EXOC2: variants seen among roughly 807,000 people sequenced by gnomAD.
EXOC2 encodes SEC5-like 1.
Under a neutral mutation model 131.8 loss-of-function variants are expected in EXOC2, and 70 were observed. That is an observed-to-expected ratio of 0.53 (90% CI 0.44 to 0.65). EXOC2 has a LOEUF of 0.65. Among genes scored for constraint, EXOC2 ranks in the 30% least tolerant of loss-of-function variants. The pLI is 0.00. For missense variants in EXOC2, 923 were observed against 1,108.6 expected (o/e 0.83, Z 2.38); for synonymous variants, 411 against 398.4 (o/e 1.03, Z -0.38).
intron 4 of EXOC2, among the ~76,000 whole-genome samples, chr6:627,262 A>G (rs72835973): frequency 0.17 from 21,884 of 130,588 alleles, 1,946 homozygotes; most frequent in East Asian, 0.21. Context: ...AAAAAAAAAA[A>G]AAGAAGCCTG....
intron 4 of EXOC2, among the ~76,000 whole-genome samples, chr6:627,466 G>A (rs766382169): frequency 2.0e-5 from 3 of 152,076 alleles, no homozygotes; most frequent in African/African-American, 4.8e-5. Flanking sequence ...GGCCCTCCCC[G>A]TGTTCCCTGA....
chr6:508,507 C>T (rs1764686914), intron 23 of EXOC2, among the ~76,000 whole-genome samples: 1 of 152,318 alleles, frequency 6.6e-6, no homozygotes, highest in South Asian at 2.1e-4. Flanking sequence ...CATAGTTTCT[C>T]CTGTTACAGA....
At chr6:545,226 C>T (rs1484537063) in intron 22 of EXOC2, among the ~76,000 whole-genome samples, 2 of 150,558 alleles carry the variant, frequency 1.3e-5, no homozygotes, top group South Asian at 2.1e-4. Flanking sequence ...CTACAGGCTT[C>T]GTCAGGTGAA....
At chr6:607,151 C>T (rs913536054) in intron 7 of EXOC2, among the ~76,000 whole-genome samples, 10 of 152,164 alleles carry the variant, frequency 6.6e-5, no homozygotes, top group African/African-American at 2.2e-4. Context: ...CTGTGGGAAC[C>T]GCAGTTCTCC....
chr6:543,347 G>A (rs552872301), intron 22 of EXOC2, among the ~76,000 whole-genome samples: 96 of 152,300 alleles, frequency 6.3e-4, no homozygotes, highest in Admixed American at 1.0e-3. Context: ...TATGCTAAAT[G>A]AAATAAACCA....
chr6:502,082 T>A (rs1764245547), intron 23 of EXOC2, among the ~76,000 whole-genome samples: 1 of 152,082 alleles, frequency 6.6e-6, no homozygotes, highest in Non-Finnish European at 1.5e-5. Flanking sequence ...GGGGCGGAGA[T>A]CCACATGCTC....
chr6:564,861 C>T lies in EXOC2; in HGVS notation c.1509+3G>A, dbSNP rs772980054. ...GGTCTACATACTTATCACCCTTACT[C>T]ACCTTAAAATCATTTTGTCTTTGCC... is the stretch of plus-strand genomic sequence containing the variant. On this transcript the variant is annotated splice_donor_region_variant and intron_variant, in intron 14 of 27. Coordinates refer to ENST00000230449, the MANE Select transcript of EXOC2 (RefSeq NM_018303.6). The T allele has an allele frequency of 5.6e-6, 9 of 1,612,802 alleles. No homozygotes were observed. The highest frequency in any genetic ancestry group is 1.7e-5 in the Admixed American group (1 of 59,766).
chr6:659,659 T>G (rs1763322102), intron 1 of EXOC2, among the ~76,000 whole-genome samples: 1 of 152,122 alleles, frequency 6.6e-6, no homozygotes, highest in Non-Finnish European at 1.5e-5. Context: ...TGAGTCAATC[T>G]GGAGGGGTGA....
intron 1 of EXOC2, among the ~76,000 whole-genome samples, chr6:663,760 G>C (rs1763517496): frequency 6.6e-6 from 1 of 152,060 alleles, no homozygotes; most frequent in Non-Finnish European, 1.5e-5. Flanking sequence ...AAAACTCTCA[G>C]CAAAACTGAC....
At position 556,621 on chromosome 6, in the gene EXOC2, T is replaced by C. The variant is rs1757433454; in HGVS notation, c.1852-57A>G. ...AAAATGAGCACTGGCTGTGAAGACA[T>C]GTTTAACACAAGCGAATATGGCCCC... On this transcript the variant is annotated intron_variant, in intron 17 of 27. Transcript: ENST00000230449. 3.2e-6 allele frequency: 5 copies of C among 1,584,178 alleles called. No homozygotes were observed. The African/African-American group carries it at 4.0e-5, about 13-fold the overall frequency.
intron 11 of EXOC2, among the ~76,000 whole-genome samples, chr6:583,084 T>G (rs150101425): frequency 2.0e-4 from 31 of 152,222 alleles, no homozygotes; most frequent in African/African-American, 7.5e-4. Context: ...CAAAATGAAA[T>G]GTATGTTTTT....
At chr6:511,132 GA>G (rs1481279149) in intron 23 of EXOC2, among the ~76,000 whole-genome samples, 1 of 152,226 alleles carries the variant, frequency 6.6e-6, no homozygotes, top group East Asian at 1.9e-4. Context: ...GTGGCTACAC[GA>G]GTGAATGCTG....
intron 11 of EXOC2, among the ~76,000 whole-genome samples, chr6:587,976 G>A (rs1189705273): frequency 6.6e-6 from 1 of 152,228 alleles, no homozygotes; most frequent in Non-Finnish European, 1.5e-5. Flanking sequence ...AGGGAGGGGA[G>A]AGAAGCAGGT....
Position 585,775 on chromosome 6 carries a change from T to C in EXOC2, c.1192+6694A>G, listed in dbSNP as rs560216068. Among the ~76,000 whole-genome samples the C allele has an allele frequency of 3.9e-5, 6 of 152,216 alleles. No individual in the cohort carries two copies. In the South Asian group the frequency reaches 1.2e-3, roughly 32 times the overall value. The stretch of plus-strand genomic sequence containing the variant: ...AGACCACATTTACTTTAAACAGACA[T>C]CAAGAATTATTTTTCCGTTTGAAAT... On this transcript the variant is annotated intron_variant, in intron 11 of 27. Transcript: ENST00000230449.
intron 1 of EXOC2, among the ~76,000 whole-genome samples, chr6:642,550 G>A (rs950764441): frequency 6.6e-6 from 1 of 152,086 alleles, no homozygotes; most frequent in African/African-American, 2.4e-5. Context: ...GCAGATAACC[G>A]AAATGGACCC....
chr6:486,402 T>C lies in EXOC2; in HGVS notation c.*269A>G. 1 of 321,770 alleles carries C rather than the reference T, an allele frequency of 3.1e-6. No homozygotes were observed. Among genetic ancestry groups the C allele is most frequent in the Non-Finnish European group, 5.7e-6 (1 of 175,438 alleles). The allele number at this position is 321,770 out of a possible 1,614,324, so 19.9% of individuals were successfully genotyped here. On this transcript the variant is annotated 3_prime_UTR_variant, in exon 28 of 28. Transcript: ENST00000230449. ...GCAGCTCTTCCTGCAGCACTCAACCTTCTGCTGAGATGCAAAATATATTTT... is the reference window on the plus strand; with the variant it reads ...GCAGCTCTTCCTGCAGCACTCAACCCTCTGCTGAGATGCAAAATATATTTT...
chr6:545,502 C>A (rs1259330360), intron 22 of EXOC2, among the ~76,000 whole-genome samples: 1 of 152,076 alleles, frequency 6.6e-6, no homozygotes, highest in Non-Finnish European at 1.5e-5. Flanking sequence ...TAAGAGCCTT[C>A]AAAATTAGTT....
rs1231592918 is a variant in EXOC2 at position 659,994 on chromosome 6, T to C, written c.-43-22133A>G. Among the ~76,000 whole-genome samples the C allele has an allele frequency of 1.9e-3, 159 of 82,378 alleles. 1 individual carries two copies. Among genetic ancestry groups the C allele is most frequent in the African/African-American group, 6.3e-3 (156 of 24,698 alleles). 54.0% of individuals were successfully genotyped at this position (82,378 alleles called of 152,430 possible). On this transcript the variant is annotated intron_variant, in intron 1 of 27. Transcript: ENST00000230449. ...CAAGCCGTCTTGCCACTCAGGGCTGTTGGGGGGGGGACACGGGGGGCACGG... is the reference window on the plus strand; with the variant it reads ...CAAGCCGTCTTGCCACTCAGGGCTGCTGGGGGGGGGACACGGGGGGCACGG...
At chr6:516,031 G>A (rs1765145256) in intron 23 of EXOC2, among the ~76,000 whole-genome samples, 1 of 152,212 alleles carries the variant, frequency 6.6e-6, no homozygotes, top group Non-Finnish European at 1.5e-5. Context: ...TGTGAGGCAT[G>A]TTATAAATAA....
Sources: gnomAD v4.1 joint callset for allele counts (sites outside exome capture counted in the v4.1 genomes callset) on GRCh38, gnomAD v4.1.1 for gene constraint, MANE v1.5 for transcripts, NCBI Gene and HGNC (gene_info 2026-07-23, HGNC 2026-07-21) for gene names.